NETO2: variants seen among roughly 807,000 people sequenced by gnomAD.
NETO2 encodes neuropilin and tolloid like 2.
Under a neutral mutation model 62.5 loss-of-function variants are expected in NETO2, and 28 were observed. That is an observed-to-expected ratio of 0.45 (90% CI 0.33 to 0.61). The LOEUF is 0.61. Among genes scored for constraint, NETO2 ranks in the 20% least tolerant of loss-of-function variants. NETO2 has a pLI of 0.02. For missense variants in NETO2, 548 were observed against 643.2 expected (o/e 0.85, Z 1.60); for synonymous variants, 214 against 219.1 (o/e 0.98, Z 0.21).
chr16:47,126,066 T>C (rs1476693542), intron 4 of NETO2, among the ~76,000 whole-genome samples: 2 of 152,228 alleles, frequency 1.3e-5, no homozygotes, highest in Non-Finnish European at 2.9e-5. Context: ...ATACCTTATA[T>C]AAATGGAGTC....
Position 47,128,355 on chromosome 16 carries a change from C to G in NETO2, c.451G>C (p.Gly151Arg). Residue 151 changes from glycine (G) to arginine (R), a missense_variant, in exon 4 of 9, where the codon GGA becomes CGA. By Grantham distance (125) the Gly-to-Arg change is moderately radical. Transcript: ENST00000562435. ...FSSDEELEGL[G>R]FRAKYSFIPD... ...ATAAATGAATATTTTGCTCGAAATC[C>G]CAGTCCTTCAAGCTCTTCATCAGAA... 1 of 1,613,364 alleles carries G rather than the reference C, an allele frequency of 6.2e-7. No homozygotes were observed. Among genetic ancestry groups the G allele is most frequent in the Non-Finnish European group, 8.5e-7 (1 of 1,179,716 alleles).
At chr16:47,120,865 T>C (rs886834757) in intron 6 of NETO2, among the ~76,000 whole-genome samples, 1 of 152,152 alleles carries the variant, frequency 6.6e-6, no homozygotes, top group Non-Finnish European at 1.5e-5. Context: ...AGTCACCCTG[T>C]GTCATGCTTT....
rs1009610379 is a variant in NETO2 at position 47,143,662 on chromosome 16, T to TGGCTCGGCGCTCAC, written c.-64_-51dup. ...CGAAGGGCTGAGGTAGCGGCGGCGGTGGCTCGGCGCTCACGGCTCGGCGCG... is the reference window on the plus strand; with the variant it reads ...CGAAGGGCTGAGGTAGCGGCGGCGGTGGCTCGGCGCTCACGGCTCGGCGCTCACGGCTCGGCGCG... On this transcript the variant is annotated 5_prime_UTR_variant, in exon 1 of 9. Transcript: ENST00000562435. 4.9e-6 allele frequency: 6 copies of TGGCTCGGCGCTCAC among 1,218,220 alleles called. No individual in the cohort carries two copies. Among genetic ancestry groups the TGGCTCGGCGCTCAC allele is most frequent in the Non-Finnish European group, 6.1e-6 (6 of 977,580 alleles). The allele number at this position is 1,218,220 out of a possible 1,614,324, so 75.5% of individuals were successfully genotyped here.
At chr16:47,115,718 T>TATATATATACATATATATATATAC (rs1473854913) in intron 6 of NETO2, among the ~76,000 whole-genome samples, 5 of 133,422 alleles carry the variant, frequency 3.7e-5, no homozygotes, top group Non-Finnish European at 4.5e-5. Flanking sequence ...TATATACATA[T>TATATATATACATATATATATATAC]ATATATATAT....
chr16:47,088,664 T>A (rs1271434309), intron 7 of NETO2, among the ~76,000 whole-genome samples: 1 of 152,126 alleles, frequency 6.6e-6, no homozygotes, highest in African/African-American at 2.4e-5. Context: ...AATAAATATA[T>A]AATAAACATA....
At chr16:47,105,338 CTCCA>C (rs1436555651) in intron 7 of NETO2, among the ~76,000 whole-genome samples, 3 of 152,132 alleles carry the variant, frequency 2.0e-5, no homozygotes, top group Non-Finnish European at 4.4e-5. Flanking sequence ...CAAAAATTAA[CTCCA>C]AATACATCAA....
chr16:47,130,779 C>A (rs1186557860), intron 2 of NETO2, among the ~76,000 whole-genome samples: 1 of 152,106 alleles, frequency 6.6e-6, no homozygotes, highest in Non-Finnish European at 1.5e-5. Context: ...CCATCCCCAT[C>A]ATTTGTGTGC....
intron 1 of NETO2, among the ~76,000 whole-genome samples, chr16:47,136,718 T>G (rs1380871603): frequency 6.6e-6 from 1 of 152,170 alleles, no homozygotes. Flanking sequence ...AAGAATTTAT[T>G]ATGATATACA....
intron 8 of NETO2, among the ~76,000 whole-genome samples, chr16:47,085,540 C>T (rs542998659): frequency 4.6e-5 from 7 of 152,020 alleles, no homozygotes; most frequent in Non-Finnish European, 8.8e-5. Flanking sequence ...TGCCACCACG[C>T]CTAGCTGATT....
At chr16:47,137,011 AACATACAT>A (rs1405913267) in intron 1 of NETO2, among the ~76,000 whole-genome samples, 2 of 152,174 alleles carry the variant, frequency 1.3e-5, no homozygotes, top group African/African-American at 2.4e-5. Context: ...CAAACATACA[AACATACAT>A]ACATATATAC....
intron 1 of NETO2, among the ~76,000 whole-genome samples, chr16:47,138,921 A>G (rs538935489): frequency 1.1e-4 from 17 of 152,178 alleles, no homozygotes; most frequent in Non-Finnish European, 2.4e-4. Flanking sequence ...TGCCTCAGGA[A>G]CCAGCTGTGC....
At chr16:47,086,971 T>G (rs1378563180) in intron 7 of NETO2, among the ~76,000 whole-genome samples, 2 of 152,150 alleles carry the variant, frequency 1.3e-5, no homozygotes, top group African/African-American at 2.4e-5. Flanking sequence ...GAAATGAAAT[T>G]ATGATACATA....
chr16:47,126,554 A>C (rs900776007), intron 4 of NETO2, among the ~76,000 whole-genome samples: 1 of 152,176 alleles, frequency 6.6e-6, no homozygotes, highest in South Asian at 2.1e-4. Context: ...GGGCGGATAC[A>C]TGTCATCATG....
chr16:47,111,618 C>T (rs1370624905), intron 6 of NETO2, among the ~76,000 whole-genome samples: 1 of 152,180 alleles, frequency 6.6e-6, no homozygotes, highest in Non-Finnish European at 1.5e-5. Context: ...ATCCCTATAT[C>T]CTACCCAGGG....
In NETO2 at chr16:47,109,560, A is replaced by C; in HGVS notation, c.806T>G (p.Ile269Ser). 6.2e-7 allele frequency: 1 copy of C among 1,614,116 alleles called. No homozygotes were observed. The highest frequency in any genetic ancestry group is 8.5e-7 in the Non-Finnish European group (1 of 1,179,990). ...ATCTGCCCACATTCGAATCACTCCA[A>C]TTCCTGTTTTAAGCATTACATCATT... ...VANDVMLKTG[I>S]GVIRMWADEG... The change falls in exon 7 of 9, where the codon ATT (isoleucine) becomes AGT (serine). Residue 269 changes from isoleucine (I) to serine (S), a missense_variant. Physicochemically the swap from Ile to Ser is moderately radical, Grantham distance 142. Transcript: ENST00000562435.
At chr16:47,095,347 G>C (rs1963407218) in intron 7 of NETO2, among the ~76,000 whole-genome samples, 1 of 152,150 alleles carries the variant, frequency 6.6e-6, no homozygotes, top group South Asian at 2.1e-4. Context: ...CAAAGTGACA[G>C]AACCTTCCTC....
At chr16:47,127,871 C>T (rs1485028286) in intron 4 of NETO2, among the ~76,000 whole-genome samples, 1 of 152,148 alleles carries the variant, frequency 6.6e-6, no homozygotes, top group Non-Finnish European at 1.5e-5. Context: ...TCTTTGACAT[C>T]CAAGTGCAGA....
chr16:47,121,172 T>C (rs979125843), intron 6 of NETO2, among the ~76,000 whole-genome samples: 1 of 152,210 alleles, frequency 6.6e-6, no homozygotes, highest in African/African-American at 2.4e-5. Flanking sequence ...TTCTTTCTCA[T>C]CTCTGTTTCC....
chr16:47,122,849 A>G lies in NETO2; in HGVS notation c.526+19T>C, dbSNP rs1312869666. The G allele has an allele frequency of 1.2e-6, 2 of 1,613,952 alleles. No individual in the cohort carries two copies. Among genetic ancestry groups the G allele is most frequent in the Non-Finnish European group, 1.7e-6 (2 of 1,179,962 alleles). ...ACTAATCAAAAATGCCAAGAGGAAC[A>G]AGTGGTAATATACTAAACCTGGAAT... On this transcript the variant is annotated intron_variant, in intron 5 of 8. Coordinates refer to ENST00000562435, the MANE Select transcript of NETO2 (RefSeq NM_018092.5).
Sources: gnomAD v4.1 joint callset for allele counts (sites outside exome capture counted in the v4.1 genomes callset) on GRCh38, gnomAD v4.1.1 for gene constraint, MANE v1.5 for transcripts, NCBI Gene and HGNC (gene_info 2026-07-23, HGNC 2026-07-21) for gene names.